Variants in DCAF13 observed in about 807,000 individuals in gnomAD.
DCAF13 encodes the protein DDB1- and CUL4-associated factor 13.
DCAF13 carries 38 observed loss-of-function variants against 59.0 expected under a neutral mutation model. The observed-to-expected ratio is 0.64, with a 90% CI of 0.50 to 0.84. DCAF13 has a LOEUF of 0.84. Among genes scored for constraint, DCAF13 ranks in the 40% least tolerant of loss-of-function variants. The pLI is 0.00. For missense variants in DCAF13, 469 were observed against 558.4 expected, an observed-to-expected ratio of 0.84 and a Z score of 1.61; for synonymous variants, 173 against 175.0, an observed-to-expected ratio of 0.99 and a Z score of 0.09.
chr8:103,421,328 A>G (rs1364476189), intron 3 of DCAF13: 2 of 590,604 alleles, frequency 3.4e-6, no homozygotes, highest in South Asian at 1.7e-5. Context: ...AGGTAAGTCT[A>G]GAAAGAGTTT....
At position 103,420,306 on chromosome 8, in the gene DCAF13, C is replaced by T. The variant is rs1816704851; in HGVS notation, c.113C>T (p.Pro38Leu). 1 of 1,613,968 alleles carries T rather than the reference C, an allele frequency of 6.2e-7. No homozygotes were observed. The highest frequency in any genetic ancestry group is 1.1e-5 in the South Asian group (1 of 91,048). The change falls in exon 2 of 11, where the codon CCA (proline) becomes CTA (leucine). Residue 38 changes from proline to leucine, a missense_variant. Transcript: ENST00000612750. ...YDPALHPFEV[P>L]REYIRALNAT... is the part of the protein sequence containing the mutation. ...CCTGCTTTACATCCTTTTGAGGTCC[C>T]ACGAGAATATATAAGAGCTTTAAAT...
chr8:103,438,840 T>C (rs1563506967), intron 8 of DCAF13, among the ~76,000 whole-genome samples: 1 of 152,168 alleles, frequency 6.6e-6, no homozygotes, highest in Non-Finnish European at 1.5e-5. Flanking sequence ...ATGCAGAAAA[T>C]TTATTTCTCC....
intron 5 of DCAF13, chr8:103,430,018 A>G (rs1816841361): frequency 6.6e-6 from 1 of 152,240 alleles, no homozygotes; most frequent in African/African-American, 2.4e-5. Context: ...AAAACAGGAA[A>G]CAAGTCTTAA....
In DCAF13 at chr8:103,442,980, T is replaced by G; in HGVS notation, c.*98T>G. 2.5e-6 allele frequency: 2 copies of G among 815,476 alleles called. No homozygotes were observed. The highest frequency in any genetic ancestry group is 3.8e-6 in the Non-Finnish European group (2 of 523,428). 50.5% of individuals were successfully genotyped at this position (815,476 alleles called of 1,614,324 possible). A position where few individuals can be genotyped will look rare whatever the true frequency, so the allele number is the denominator to read the frequency against. On this transcript the variant is annotated 3_prime_UTR_variant, in exon 11 of 11. Coordinates refer to ENST00000612750, the MANE Select transcript of DCAF13 (RefSeq NM_015420.7). Reference sequence around the variant, plus strand: ...TGGGACTAGATTAATTGCAAACATTTTAGTTATATGTGTAGAGCTTTATTG... The same window carrying G: ...TGGGACTAGATTAATTGCAAACATTGTAGTTATATGTGTAGAGCTTTATTG...
chr8:103,421,275 A>G (rs1260870566), intron 3 of DCAF13, 193 bp downstream of exon 3: 1 of 672,632 alleles, frequency 1.5e-6, no homozygotes, highest in South Asian at 1.6e-5. Flanking sequence ...ACTTAACATG[A>G]TTAAACTAAT....
chr8:103,423,235 C>T (rs1262681976), intron 3 of DCAF13, among the ~76,000 whole-genome samples: 2 of 151,560 alleles, frequency 1.3e-5, no homozygotes, highest in Non-Finnish European at 1.5e-5. Flanking sequence ...TTTTTTAATG[C>T]TTAAAATGAA....
intron 5 of DCAF13, chr8:103,428,551 A>G (rs1482443060): frequency 6.6e-6 from 1 of 152,126 alleles, no homozygotes; most frequent in Non-Finnish European, 1.5e-5. Flanking sequence ...TCCATCCTCC[A>G]TCTTCCTTCC....
In DCAF13 at chr8:103,443,146, A is replaced by G. The variant is rs1379327857; in HGVS notation, c.*264A>G. 2 of 269,854 alleles carry G rather than the reference A, an allele frequency of 7.4e-6. No homozygotes were observed. The highest frequency in any genetic ancestry group is 1.4e-5 in the Non-Finnish European group (2 of 144,338). The allele number at this position is 269,854 out of a possible 1,614,324, so 16.7% of individuals were successfully genotyped here. Reference sequence around the variant, plus strand: ...TTTTTCTTGTTTTTATTACAGATATACTTACTTTCTCTTTGATCTATTATT... The same window carrying G: ...TTTTTCTTGTTTTTATTACAGATATGCTTACTTTCTCTTTGATCTATTATT... On this transcript the variant is annotated 3_prime_UTR_variant, in exon 11 of 11. Coordinates refer to ENST00000612750, the MANE Select transcript of DCAF13 (RefSeq NM_015420.7).
intron 3 of DCAF13, among the ~76,000 whole-genome samples, chr8:103,422,304 G>A (rs2130478045): frequency 6.6e-6 from 1 of 152,310 alleles, no homozygotes; most frequent in African/African-American, 2.4e-5. Flanking sequence ...CAGGTCTGGA[G>A]CTCAGGAGGG....
At chr8:103,432,024 G>A (rs890466095) in intron 6 of DCAF13, among the ~76,000 whole-genome samples, 1 of 152,090 alleles carries the variant, frequency 6.6e-6, no homozygotes, top group Non-Finnish European at 1.5e-5. Context: ...GTTAGACACT[G>A]CTACTTTCTG....
intron 3 of DCAF13, among the ~76,000 whole-genome samples, chr8:103,425,483 A>T (rs765532854): frequency 6.6e-6 from 1 of 152,194 alleles, no homozygotes; most frequent in African/African-American, 2.4e-5. Flanking sequence ...TTATGAAAAT[A>T]GTTTTGACTG....
chr8:103,427,329 A>G lies in DCAF13; in HGVS notation c.624+77A>G, dbSNP rs767665326. The G allele has an allele frequency of 7.0e-5, 91 of 1,307,070 alleles. 1 individual carries two copies. Among genetic ancestry groups the G allele is most frequent in the South Asian group, 1.5e-4 (11 of 75,064 alleles). 81.0% of individuals were successfully genotyped at this position (1,307,070 alleles called of 1,614,324 possible). ...TTCTGTTTAGAAAACTTTTGAATGT[A>G]TGATAGAAACTTCTGAATTTTAATG... On this transcript the variant is annotated intron_variant, in intron 5 of 10. Transcript: ENST00000612750.
At chr8:103,431,480 T>C (rs1816863677) in intron 6 of DCAF13, among the ~76,000 whole-genome samples, 1 of 152,222 alleles carries the variant, frequency 6.6e-6, no homozygotes, top group Non-Finnish European at 1.5e-5. Context: ...CAACTAGATA[T>C]TAGGAGAGTA....
chr8:103,415,616 C>A, intron 1 of DCAF13, 100 bp downstream of exon 1: 1 of 1,186,780 alleles, frequency 8.4e-7, no homozygotes, highest in Non-Finnish European at 1.2e-6. Flanking sequence ...GCACTCTGGT[C>A]TGGTTCTTTC....
intron 6 of DCAF13, 57 bp from the exon 7 acceptor site, chr8:103,432,602 C>A: frequency 1.8e-6 from 2 of 1,097,614 alleles, no homozygotes; most frequent in South Asian, 1.3e-5. Context: ...TTGCTTAAAT[C>A]AGTGGGGAAA....
At chr8:103,426,835 G>A (rs1816798066) in intron 4 of DCAF13, among the ~76,000 whole-genome samples, 1 of 152,038 alleles carries the variant, frequency 6.6e-6, no homozygotes, top group Non-Finnish European at 1.5e-5. Flanking sequence ...AAAGGGATAG[G>A]GGAATGGGGT....
intron 8 of DCAF13, among the ~76,000 whole-genome samples, chr8:103,436,690 A>T (rs1816938782): frequency 6.6e-6 from 1 of 152,196 alleles, no homozygotes. Flanking sequence ...GACTGACTTT[A>T]AAAACTAAGT....
At chr8:103,417,926 T>C (rs1423825540) in intron 1 of DCAF13, among the ~76,000 whole-genome samples, 1 of 152,022 alleles carries the variant, frequency 6.6e-6, no homozygotes, top group Non-Finnish European at 1.5e-5. Context: ...GAGACTATCC[T>C]GGCTAACATG....
At chr8:103,419,290 G>A (rs1368835007) in intron 1 of DCAF13, among the ~76,000 whole-genome samples, 1 of 152,220 alleles carries the variant, frequency 6.6e-6, no homozygotes, top group African/African-American at 2.4e-5. Flanking sequence ...GCTCCACCGT[G>A]TCGTATTCGA....
Sources: gnomAD v4.1 joint callset for allele counts (sites outside exome capture counted in the v4.1 genomes callset) on GRCh38, gnomAD v4.1.1 for gene constraint, MANE v1.5 for transcripts, NCBI Gene and HGNC (gene_info 2026-07-23, HGNC 2026-07-21) for gene names.